The following CDH1 variants were observed in gnomAD, a reference collection of about 807,000 sequenced individuals.
The protein encoded by CDH1 is cadherin 1.
Under a neutral mutation model 84.5 loss-of-function variants are expected in CDH1, and 35 were observed. The ratio of observed to expected loss-of-function variants is 0.41; its 90% CI spans 0.32 to 0.55. CDH1 has a LOEUF of 0.55. CDH1 is among the 20% of genes least tolerant of loss of function. The probability of loss-of-function intolerance (pLI) is 0.19; values close to 1 mark genes in which losing one functional copy is unlikely to be tolerated. For missense variants in CDH1, 994 were observed against 1,126.6 expected, an observed-to-expected ratio of 0.88 and a Z score of 1.68; for synonymous variants, 417 against 439.0, an observed-to-expected ratio of 0.95 and a Z score of 0.63.
chr16:68,760,595 A>G (rs1963141494), intron 2 of CDH1, among the ~76,000 whole-genome samples: 1 of 151,966 alleles, frequency 6.6e-6, no homozygotes, highest in African/African-American at 2.4e-5. Context: ...AGGTGTCTTT[A>G]TTAATAATAT....
chr16:68,822,284 C>A, intron 12 of CDH1, 59 bp downstream of exon 12: 1 of 1,109,248 alleles, frequency 9.0e-7, no homozygotes, highest in Non-Finnish European at 1.4e-6. Flanking sequence ...TCCCTTCCCC[C>A]AGATCCCCAC....
At chr16:68,771,764 AAT>A (rs1491474942) in intron 2 of CDH1, among the ~76,000 whole-genome samples, 6 of 151,044 alleles carry the variant, frequency 4.0e-5, no homozygotes, top group African/African-American at 7.3e-5. Context: ...AAAAAAAAAA[AAT>A]TTTTTTTTTG....
intron 7 of CDH1, 49 bp downstream of exon 7, chr16:68,811,908 G>A (rs777168132): frequency 5.6e-6 from 9 of 1,598,982 alleles, no homozygotes; most frequent in South Asian, 5.5e-5. Context: ...ATGTGTATTA[G>A]CTCAATCCCG....
Position 68,808,918 on chromosome 16 carries a change from T to G in CDH1, c.687+70T>G, listed in dbSNP as rs974463997. 4 of 1,461,510 alleles carry G rather than the reference T, an allele frequency of 2.7e-6. No individual in the cohort carries two copies. In the African/African-American group the frequency reaches 5.5e-5, roughly 20 times the overall value. The allele number at this position is 1,461,510 out of a possible 1,614,324, so 90.5% of individuals were successfully genotyped here. A position where few individuals can be genotyped will look rare whatever the true frequency, so the allele number is the denominator to read the frequency against. ...CCAGGATTTTTTGGTCAACCCATGC[T>G]GGATCCGCAGATCAGAGGCTCTGAA... On this transcript the variant is annotated intron_variant, in intron 5 of 15. Coordinates refer to ENST00000261769, the MANE Select transcript of CDH1 (RefSeq NM_004360.5).
At chr16:68,789,518 CTTT>C (rs549644747) in intron 2 of CDH1, among the ~76,000 whole-genome samples, 1 of 142,778 alleles carries the variant, frequency 7.0e-6, no homozygotes, top group African/African-American at 2.6e-5. Context: ...ATTGGCTCAT[CTTT>C]TTTTTTTTTT....
chr16:68,820,779 A>T (rs1961122536), intron 11 of CDH1, among the ~76,000 whole-genome samples: 1 of 151,634 alleles, frequency 6.6e-6, no homozygotes, highest in Non-Finnish European at 1.5e-5. Flanking sequence ...ATTTAAATAC[A>T]TTTATAGGCT....
intron 2 of CDH1, among the ~76,000 whole-genome samples, chr16:68,741,412 G>A (rs540203659): frequency 4.1e-4 from 63 of 152,292 alleles, no homozygotes; most frequent in Non-Finnish European, 6.9e-4. Context: ...TGAAGGGATG[G>A]ATGTAACATT....
At chr16:68,769,979 CTTTT>C (rs34018552) in intron 2 of CDH1, among the ~76,000 whole-genome samples, 4 of 125,238 alleles carry the variant, frequency 3.2e-5, no homozygotes, top group Admixed American at 8.2e-5. Flanking sequence ...CCGCAGCTGG[CTTTT>C]TTTTTTTTTT....
intron 10 of CDH1, among the ~76,000 whole-genome samples, chr16:68,816,147 A>G (rs1026851350): frequency 5.9e-5 from 9 of 152,124 alleles, no homozygotes; most frequent in Admixed American, 3.3e-4. Context: ...CCTTCCATGT[A>G]GCCAGGATTA....
At chr16:68,829,559 A>G (rs1765254790) in intron 14 of CDH1, 95 bp from the exon 15 acceptor site, 4 of 1,230,474 alleles carry the variant, frequency 3.3e-6, no homozygotes, top group Non-Finnish European at 4.7e-6. Flanking sequence ...CAGTGAAGGC[A>G]TCATCCAACC....
chr16:68,806,351 C>T (rs1458761006), intron 3 of CDH1, among the ~76,000 whole-genome samples: 2 of 151,744 alleles, frequency 1.3e-5, no homozygotes, highest in African/African-American at 2.4e-5. Context: ...GGTTTTGGCA[C>T]GTTGGCCAAG....
chr16:68,761,842 A>G (rs1425186293), intron 2 of CDH1, among the ~76,000 whole-genome samples: 1 of 152,126 alleles, frequency 6.6e-6, no homozygotes, highest in African/African-American at 2.4e-5. Flanking sequence ...AAGGTCAGTG[A>G]TCAAGGGGCA....
chr16:68,834,631 T>C lies in CDH1; in HGVS notation c.*1132T>C. 1 of 242,716 alleles carries C rather than the reference T, an allele frequency of 4.1e-6. No individual in the cohort carries two copies. Among genetic ancestry groups the C allele is most frequent in the Non-Finnish European group, 8.1e-6 (1 of 124,222 alleles). The allele number at this position is 242,716 out of a possible 1,614,324, so 15.0% of individuals were successfully genotyped here. A position where few individuals can be genotyped will look rare whatever the true frequency, so the allele number is the denominator to read the frequency against. Reference sequence around the variant, plus strand: ...AGGGTAAGAAGTTTGTGTCTTTGTCTGGCCACATCTTGACTAGGTATTGTC... The same window carrying C: ...AGGGTAAGAAGTTTGTGTCTTTGTCCGGCCACATCTTGACTAGGTATTGTC... On this transcript the variant is annotated 3_prime_UTR_variant, in exon 16 of 16. Coordinates refer to ENST00000261769, the MANE Select transcript of CDH1 (RefSeq NM_004360.5).
At chr16:68,830,518 CAG>C (rs1337127182) in intron 15 of CDH1, among the ~76,000 whole-genome samples, 1 of 152,062 alleles carries the variant, frequency 6.6e-6, no homozygotes, top group Non-Finnish European at 1.5e-5. Context: ...TTGTATATGT[CAG>C]AAATGCATTC....
Position 68,828,246 on chromosome 16 carries a change from A to G in CDH1, c.2237A>G (p.Asp746Gly), listed in dbSNP as rs1408841952. 1 of 1,614,082 alleles carries G rather than the reference A, an allele frequency of 6.2e-7. No individual in the cohort carries two copies. The highest frequency in any genetic ancestry group is 1.1e-5 in the South Asian group (1 of 91,070). Reference sequence around the variant, plus strand: ...AAAGAGCCCTTACTGCCCCCAGAGGATGACACCCGGGACAACGTTTATTAC... The same window carrying G: ...AAAGAGCCCTTACTGCCCCCAGAGGGTGACACCCGGGACAACGTTTATTAC... ...VVKEPLLPPEDDTRDNVYYYD... is the reference protein window; with the variant it reads ...VVKEPLLPPEGDTRDNVYYYD... The change falls in exon 14 of 16, where the codon GAT (aspartate) becomes GGT (glycine). Residue 746 changes from aspartate to glycine, a missense_variant. By Grantham distance (94) the Asp-to-Gly change is moderately conservative. This residue lies in a region of CDH1 where 769 missense variants were observed against 881.8 expected (regional missense o/e 0.87). Coordinates refer to ENST00000261769, the MANE Select transcript of CDH1 (RefSeq NM_004360.5).
At chr16:68,779,314 A>C (rs1012246412) in intron 2 of CDH1, among the ~76,000 whole-genome samples, 6 of 152,166 alleles carry the variant, frequency 3.9e-5, no homozygotes, top group African/African-American at 1.4e-4. Context: ...ACAGAGGGGC[A>C]AAGAGGCACA....
At chr16:68,768,609 G>T (rs1039279565) in intron 2 of CDH1, among the ~76,000 whole-genome samples, 1 of 152,154 alleles carries the variant, frequency 6.6e-6, no homozygotes, top group Non-Finnish European at 1.5e-5. Context: ...ATAGTCCCAG[G>T]TGTTCCCTGG....
chr16:68,783,929 G>A (rs988351640), intron 2 of CDH1, among the ~76,000 whole-genome samples: 3 of 152,010 alleles, frequency 2.0e-5, no homozygotes, highest in South Asian at 2.1e-4. Context: ...TACCCACCTC[G>A]GCCTCCCAAA....
Position 68,750,458 on chromosome 16 carries a change from C to A in CDH1, c.163+12047C>A, listed in dbSNP as rs572151203. On this transcript the variant is annotated intron_variant, in intron 2 of 15. Transcript: ENST00000261769. ...AAAGAGGGAAAGTTACTACTGGGAC[C>A]TAATGGGGCCTGCCTAGAAGGGTTG... is the stretch of plus-strand genomic sequence containing the variant. 1.8e-4 allele frequency among the ~76,000 whole-genome samples: 28 copies of A among 152,060 alleles called. 1 individual carries two copies. Among genetic ancestry groups the A allele is most frequent in the African/African-American group, 6.5e-4 (27 of 41,484 alleles).
Sources: gnomAD v4.1 joint callset for allele counts (sites outside exome capture counted in the v4.1 genomes callset) on GRCh38, gnomAD v4.1.1 for gene constraint, gnomAD v4.1.1 regional missense constraint, MANE v1.5 for transcripts, NCBI Gene and HGNC (gene_info 2026-07-23, HGNC 2026-07-21) for gene names.